ABCG2: variants seen among roughly 807,000 people sequenced by gnomAD.
ABCG2 encodes ATP binding cassette subfamily G member 2 (JR blood group), also known as broad substrate specificity ATP-binding cassette transporter ABCG2.
A neutral mutation model predicts 73.5 loss-of-function variants in ABCG2; 80 were observed. That is an observed-to-expected ratio of 1.09 (90% CI 0.91 to 1.31). The LOEUF is 1.31. ABCG2 is among the 50% of genes most tolerant of loss of function. The probability of loss-of-function intolerance (pLI) is 0.00; values close to 1 mark genes in which losing one functional copy is unlikely to be tolerated. For synonymous variants in ABCG2, 269 were observed against 282.4 expected (o/e 0.95, Z 0.48); for missense variants, 796 against 786.2 (o/e 1.01, Z -0.15).
chr4:88,221,095 T>G (rs1729996015), intron 1 of ABCG2, among the ~76,000 whole-genome samples: 1 of 152,068 alleles, frequency 6.6e-6, no homozygotes, highest in African/African-American at 2.4e-5. Context: ...ATGGTGAAAC[T>G]CCATCTCTAC....
intron 5 of ABCG2, among the ~76,000 whole-genome samples, chr4:88,129,170 T>G (rs1724656124): frequency 6.6e-6 from 1 of 152,150 alleles, no homozygotes; most frequent in Non-Finnish European, 1.5e-5. Flanking sequence ...GTTCACTTTC[T>G]CTCATATGAT....
intron 1 of ABCG2, among the ~76,000 whole-genome samples, chr4:88,230,120 G>A (rs1730394158): frequency 6.7e-6 from 1 of 149,534 alleles, no homozygotes; most frequent in Non-Finnish European, 1.5e-5. Context: ...AGCCTTCCAA[G>A]TAGCTGGGAT....
intron 10 of ABCG2, among the ~76,000 whole-genome samples, chr4:88,106,111 T>G (rs550437502): frequency 4.2e-4 from 64 of 152,208 alleles, no homozygotes; most frequent in Non-Finnish European, 8.7e-4. Flanking sequence ...TCCGAAGAAT[T>G]GAAAGCAGGA....
intron 1 of ABCG2, among the ~76,000 whole-genome samples, chr4:88,144,186 T>C (rs1313277179): frequency 1.3e-5 from 2 of 152,242 alleles, no homozygotes; most frequent in African/African-American, 4.8e-5. Context: ...CTTTTTCTCT[T>C]TCTGTGTCCT....
intron 6 of ABCG2, among the ~76,000 whole-genome samples, chr4:88,120,990 A>T (rs892373425): frequency 6.6e-6 from 1 of 152,200 alleles, no homozygotes; most frequent in Non-Finnish European, 1.5e-5. Flanking sequence ...TCACTGTTCA[A>T]AACTGTTACT....
chr4:88,125,918 G>T (rs777094320), intron 5 of ABCG2, among the ~76,000 whole-genome samples: 26 of 151,878 alleles, frequency 1.7e-4, no homozygotes, highest in Admixed American at 2.6e-4. Flanking sequence ...CAGAAGACAA[G>T]AAATAACTAA....
At chr4:88,160,057 A>G (rs1315369506), upstream of ABCG2, among the ~76,000 whole-genome samples, 1 of 152,112 alleles carries the variant, frequency 6.6e-6, no homozygotes, top group African/African-American at 2.4e-5. Flanking sequence ...AGCCTGGCCA[A>G]CATGGTGAAA....
chr4:88,131,328 T>A, intron 4 of ABCG2, 115 bp from the exon 5 acceptor site: 1 of 1,102,328 alleles, frequency 9.1e-7, no homozygotes, highest in Non-Finnish European at 1.3e-6. Flanking sequence ...GGTAAAGTTC[T>A]AGCTAATGAT....
At chr4:88,196,786 C>CAA (rs11355127) in intron 1 of ABCG2, among the ~76,000 whole-genome samples, 17 of 132,358 alleles carry the variant, frequency 1.3e-4, no homozygotes, top group African/African-American at 3.9e-4. Flanking sequence ...TGAAGATTAC[C>CAA]AAAAAAAAAA....
chr4:88,209,056 T>C (rs549968579), intron 1 of ABCG2, among the ~76,000 whole-genome samples: 9 of 150,490 alleles, frequency 6.0e-5, no homozygotes, highest in Admixed American at 3.3e-4. Context: ...TTTAAGCCTA[T>C]AATCTCAGCA....
intron 1 of ABCG2, among the ~76,000 whole-genome samples, chr4:88,153,308 G>A (rs1230422378): frequency 6.6e-6 from 1 of 152,146 alleles, no homozygotes; most frequent in African/African-American, 2.4e-5. Context: ...GTTTTTGGGG[G>A]CGCAGTCCAA....
intron 1 of ABCG2, among the ~76,000 whole-genome samples, chr4:88,204,357 G>T (rs141979018): frequency 0.016 from 2,482 of 152,258 alleles, 62 homozygotes; most frequent in African/African-American, 0.056. Context: ...GGAGGTACAG[G>T]TTGCAGTGAG....
chr4:88,112,776 CA>C (rs1723228428), intron 9 of ABCG2, among the ~76,000 whole-genome samples: 1 of 151,982 alleles, frequency 6.6e-6, no homozygotes, highest in African/African-American at 2.4e-5. Flanking sequence ...TTGTCTAAAT[CA>C]ACAAAAATTC....
At chr4:88,109,095 T>A (rs1239790539) in intron 9 of ABCG2, among the ~76,000 whole-genome samples, 1 of 150,214 alleles carries the variant, frequency 6.7e-6, no homozygotes, top group Non-Finnish European at 1.5e-5. Flanking sequence ...AGCTCCCAGG[T>A]TCAAGCAACT....
chr4:88,220,388 C>T (rs1359410457), intron 1 of ABCG2, among the ~76,000 whole-genome samples: 1 of 152,226 alleles, frequency 6.6e-6, no homozygotes, highest in African/African-American at 2.4e-5. Context: ...AAGCACCATA[C>T]TGTTCTCCAC....
intron 2 of ABCG2, among the ~76,000 whole-genome samples, chr4:88,136,268 A>G (rs1357646742): frequency 1.3e-5 from 2 of 152,098 alleles, no homozygotes; most frequent in Admixed American, 6.6e-5. Flanking sequence ...ATACACATAC[A>G]TATCTTCTCT....
intron 14 of ABCG2, 145 bp from the exon 15 acceptor site, chr4:88,094,804 C>T: frequency 2.9e-6 from 2 of 690,018 alleles, no homozygotes; most frequent in South Asian, 1.9e-5. Context: ...ACCAAACCAA[C>T]TAATGTTATT....
In ABCG2 at chr4:88,113,258, C is replaced by A. The variant is rs377688019; in HGVS notation, c.1194+45G>T. 139 of 1,590,468 alleles carry A rather than the reference C, an allele frequency of 8.7e-5. No homozygotes were observed. The African/African-American group carries it at 1.6e-3, about 18-fold the overall frequency. On this transcript the variant is annotated intron_variant, in intron 9 of 15. Coordinates refer to ENST00000237612, the MANE Select transcript of ABCG2 (RefSeq NM_004827.3). ...TATCCTGAAGCAGATGATAACAGAA[C>A]CACATTGTTCCCATTTGAGTATTTC...
intron 13 of ABCG2, among the ~76,000 whole-genome samples, chr4:88,097,174 A>G (rs946190930): frequency 2.9e-4 from 44 of 152,366 alleles, no homozygotes; most frequent in African/African-American, 1.0e-3. Context: ...TTAAGGTTTC[A>G]TAATAGGTCA....
Sources: gnomAD v4.1 joint callset for allele counts (sites outside exome capture counted in the v4.1 genomes callset) on GRCh38, gnomAD v4.1.1 for gene constraint, MANE v1.5 for transcripts, NCBI Gene and HGNC (gene_info 2026-07-23, HGNC 2026-07-21) for gene names.